The following ABCA13 variants were observed in gnomAD, a reference collection of about 807,000 sequenced individuals.
The protein encoded by ABCA13 is ATP binding cassette subfamily A member 13.
ABCA13 carries 476 observed loss-of-function variants against 478.7 expected under a neutral mutation model. The ratio of observed to expected loss-of-function variants is 0.99; its 90% confidence interval spans 0.92 to 1.07. ABCA13 has a LOEUF of 1.07. Among genes scored for constraint, ABCA13 ranks in the 50% least tolerant of loss-of-function variants. The pLI, the probability that ABCA13 is intolerant of heterozygous loss-of-function variation, is 0.00. For missense variants in ABCA13, 6,060 were observed against 5,910.6 expected (o/e 1.03, Z -0.83); for synonymous variants, 2,252 against 2,158.9 (o/e 1.04, Z -1.20).
At chr7:48,360,145 C>G (rs1404090799) in intron 31 of ABCA13, among the ~76,000 whole-genome samples, 1 of 151,460 alleles carries the variant, frequency 6.6e-6, no homozygotes, top group Non-Finnish European at 1.5e-5. Context: ...CACCCATTAA[C>G]TCGTCATTTA....
At chr7:48,498,416 A>G (rs533853500) in intron 48 of ABCA13, among the ~76,000 whole-genome samples, 2 of 152,126 alleles carry the variant, frequency 1.3e-5, no homozygotes, top group African/African-American at 2.4e-5. Context: ...CAGAATATTT[A>G]CTGTTGTATT....
In ABCA13 at chr7:48,558,252, C is replaced by CT. The variant is rs1054426023; in HGVS notation, c.14355-21959dup. 2.6e-3 allele frequency among the ~76,000 whole-genome samples: 287 copies of CT among 111,976 alleles called. 1 individual carries two copies. The highest frequency in any genetic ancestry group is 0.015 in the East Asian group (55 of 3,624). The allele number at this position is 111,976 out of a possible 152,430, so 73.5% of individuals were successfully genotyped here. A position where few individuals can be genotyped will look rare whatever the true frequency, so the allele number is the denominator to read the frequency against. On this transcript the variant is annotated intron_variant, in intron 55 of 61. Coordinates refer to ENST00000435803, the MANE Select transcript of ABCA13 (RefSeq NM_152701.5). ...TTCTCTTTCTCTCTTTTTTCTTTTT[C>CT]TTTTTTTTTTTTTGACAGAGTCTCA...
intron 15 of ABCA13, among the ~76,000 whole-genome samples, chr7:48,263,045 T>G (rs1403211768): frequency 6.6e-6 from 1 of 151,896 alleles, no homozygotes; most frequent in Non-Finnish European, 1.5e-5. Flanking sequence ...TTGTGTTGCA[T>G]GTATTGTGCA....
intron 58 of ABCA13, among the ~76,000 whole-genome samples, chr7:48,599,196 C>T (rs1790611874): frequency 6.6e-6 from 1 of 151,524 alleles, no homozygotes. Context: ...TTCTTTGACC[C>T]TTAGTTTATT....
chr7:48,278,043 GTT>G, intron 17 of ABCA13, 49 bp from the exon 18 acceptor site: 3 of 631,164 alleles, frequency 4.8e-6, no homozygotes, highest in Non-Finnish European at 6.6e-6. Flanking sequence ...TATTTCCACT[GTT>G]AATGTATTAA....
At chr7:48,410,419 CT>C in intron 39 of ABCA13, 100 bp from the exon 40 acceptor site, 5 of 1,441,026 alleles carry the variant, frequency 3.5e-6, no homozygotes, top group Non-Finnish European at 4.8e-6. Context: ...TGGTGAGGAT[CT>C]TTAAATTGTG....
intron 45 of ABCA13, among the ~76,000 whole-genome samples, chr7:48,473,001 A>C (rs1827677507): frequency 6.6e-6 from 1 of 152,178 alleles, no homozygotes; most frequent in South Asian, 2.1e-4. Context: ...ATCATGGTGG[A>C]AGGTGAAAGG....
intron 9 of ABCA13, 81 bp from the exon 10 acceptor site, chr7:48,240,786 T>C (rs926012942): frequency 3.2e-5 from 37 of 1,152,596 alleles, no homozygotes; most frequent in Non-Finnish European, 3.8e-5. Flanking sequence ...TCTAGAGTGG[T>C]ATGTTAATAT....
chr7:48,607,369 T>C (rs1242109727), intron 58 of ABCA13, among the ~76,000 whole-genome samples: 2 of 152,150 alleles, frequency 1.3e-5, no homozygotes, highest in East Asian at 1.9e-4. Context: ...CTCCATGGGC[T>C]GCACCCACTG....
At chr7:48,577,088 A>C (rs1018914845) in intron 55 of ABCA13, among the ~76,000 whole-genome samples, 2 of 152,158 alleles carry the variant, frequency 1.3e-5, no homozygotes, top group South Asian at 2.1e-4. Flanking sequence ...TTGTGCTTAA[A>C]GGAAAATTCA....
At position 48,425,657 on chromosome 7, in the gene ABCA13, C is replaced by T. The variant is rs78317665; in HGVS notation, c.12460-2109C>T. Among the ~76,000 whole-genome samples the T allele has an allele frequency of 2.0e-3, 300 of 152,320 alleles. 3 individuals are homozygous for T. Among genetic ancestry groups the T allele is most frequent in the African/African-American group, 6.9e-3 (285 of 41,568 alleles). On this transcript the variant is annotated intron_variant, in intron 41 of 61. Transcript: ENST00000435803. ...GTTGAGACCAGACATTGCCAGCATGCTACATGCCAGGCATCGTTTTTATAA... is the reference window on the plus strand; with the variant it reads ...GTTGAGACCAGACATTGCCAGCATGTTACATGCCAGGCATCGTTTTTATAA...
chr7:48,212,276 A>G (rs943733553), intron 3 of ABCA13, among the ~76,000 whole-genome samples: 9 of 152,076 alleles, frequency 5.9e-5, no homozygotes, highest in African/African-American at 1.9e-4. Flanking sequence ...TCCCTCCCTC[A>G]AGCACACAGA....
At chr7:48,445,437 T>G (rs891519183) in intron 42 of ABCA13, among the ~76,000 whole-genome samples, 2 of 152,250 alleles carry the variant, frequency 1.3e-5, no homozygotes, top group Admixed American at 6.5e-5. Context: ...GGATCCTGAC[T>G]GCACCTTGTC....
intron 55 of ABCA13, among the ~76,000 whole-genome samples, chr7:48,572,962 A>G (rs1434876086): frequency 1.3e-5 from 2 of 152,100 alleles, no homozygotes; most frequent in South Asian, 2.1e-4. Flanking sequence ...ATTATGTTTT[A>G]AGGGATTTTT....
intron 58 of ABCA13, among the ~76,000 whole-genome samples, chr7:48,605,291 T>G (rs1280757015): frequency 2.6e-5 from 4 of 152,256 alleles, no homozygotes; most frequent in Non-Finnish European, 5.9e-5. Flanking sequence ...CTGGTTATTT[T>G]GCCTGTTAGT....
intron 55 of ABCA13, among the ~76,000 whole-genome samples, chr7:48,538,246 G>A (rs1057313836): frequency 5.3e-5 from 8 of 151,518 alleles, no homozygotes; most frequent in East Asian, 2.0e-4. Flanking sequence ...GATTACAGGC[G>A]CATGCCACTG....
intron 15 of ABCA13, among the ~76,000 whole-genome samples, chr7:48,260,507 T>C (rs1429128907): frequency 6.6e-6 from 1 of 152,054 alleles, no homozygotes; most frequent in Non-Finnish European, 1.5e-5. Flanking sequence ...GCTATGTCTA[T>C]GTTAATAGTG....
chr7:48,352,884 A>G (rs1378942986), intron 31 of ABCA13, among the ~76,000 whole-genome samples: 1 of 152,002 alleles, frequency 6.6e-6, no homozygotes, highest in Non-Finnish European at 1.5e-5. Flanking sequence ...TATACTGGAC[A>G]GGGTGGTGAA....
chr7:48,445,785 T>C (rs2129174701), intron 42 of ABCA13, among the ~76,000 whole-genome samples: 1 of 152,218 alleles, frequency 6.6e-6, no homozygotes, highest in East Asian at 1.9e-4. Context: ...ATCTCGTGTG[T>C]GGCTGTATTT....
Sources: gnomAD v4.1 joint callset for allele counts (sites outside exome capture counted in the v4.1 genomes callset) on GRCh38, gnomAD v4.1.1 for gene constraint, MANE v1.5 for transcripts, NCBI Gene and HGNC (gene_info 2026-07-23, HGNC 2026-07-21) for gene names.